Variants in FUT8 observed in about 807,000 individuals in gnomAD.
FUT8 encodes alpha-(1,6)-fucosyltransferase.
Under a neutral mutation model 71.3 loss-of-function variants are expected in FUT8, and 29 were observed. The observed-to-expected ratio is 0.41, with a 90% confidence interval of 0.30 to 0.55. The LOEUF is 0.55. FUT8 is among the 20% of genes least tolerant of loss of function. FUT8 has a pLI of 0.34. For synonymous variants in FUT8, 254 were observed against 239.3 expected (o/e 1.06, Z -0.57); for missense variants, 544 against 702.1 (o/e 0.77, Z 2.55).
chr14:65,729,204 A>G (rs1043628053), intron 9 of FUT8, among the ~76,000 whole-genome samples: 4 of 151,696 alleles, frequency 2.6e-5, no homozygotes, highest in Non-Finnish European at 4.4e-5. Context: ...TTTTTATGGT[A>G]GAGACGGGAT....
intron 2 of FUT8, among the ~76,000 whole-genome samples, chr14:65,509,607 T>C (rs1459830499): frequency 2.0e-5 from 3 of 152,148 alleles, no homozygotes; most frequent in Non-Finnish European, 4.4e-5. Context: ...ATCAATATAG[T>C]ATAGTTTCTG....
intron 2 of FUT8, among the ~76,000 whole-genome samples, chr14:65,479,987 A>G (rs753871239): frequency 1.2e-4 from 18 of 152,008 alleles, no homozygotes; most frequent in Non-Finnish European, 1.8e-4. Flanking sequence ...TTTTGCTGCT[A>G]TCCTTTGGAA....
intron 2 of FUT8, among the ~76,000 whole-genome samples, chr14:65,515,081 G>A (rs1882619756): frequency 6.6e-6 from 1 of 152,110 alleles, no homozygotes; most frequent in East Asian, 1.9e-4. Context: ...CATAAAATCA[G>A]TAATACACAC....
At chr14:65,593,258 A>C (rs1053071722) in intron 3 of FUT8, among the ~76,000 whole-genome samples, 19 of 152,208 alleles carry the variant, frequency 1.2e-4, no homozygotes, top group African/African-American at 4.3e-4. Context: ...TATGCCTTTT[A>C]CTTAAAGTGA....
upstream of FUT8, chr14:65,410,738 T>C (rs983978080): frequency 6.6e-6 from 1 of 152,118 alleles, no homozygotes; most frequent in Non-Finnish European, 1.5e-5. Context: ...GTGTAAACTA[T>C]CATGATTATT....
At chr14:65,529,726 G>A (rs889634692) in intron 2 of FUT8, among the ~76,000 whole-genome samples, 1 of 152,140 alleles carries the variant, frequency 6.6e-6, no homozygotes, top group African/African-American at 2.4e-5. Flanking sequence ...GTCTTTAGAG[G>A]CATGCTCAGT....
At chr14:65,619,398 C>G (rs550107651) in intron 5 of FUT8, among the ~76,000 whole-genome samples, 1 of 152,262 alleles carries the variant, frequency 6.6e-6, no homozygotes, top group South Asian at 2.1e-4. Flanking sequence ...CATGTTTCCT[C>G]TCCTGGAATC....
chr14:65,659,323 G>T (rs1363177737), intron 6 of FUT8, among the ~76,000 whole-genome samples: 2 of 151,912 alleles, frequency 1.3e-5, no homozygotes, highest in East Asian at 3.9e-4. Context: ...TTCGAGAAGA[G>T]GTATCCAGAT....
intron 2 of FUT8, among the ~76,000 whole-genome samples, chr14:65,518,856 G>A (rs1388732857): frequency 6.6e-6 from 1 of 152,128 alleles, no homozygotes; most frequent in African/African-American, 2.4e-5. Flanking sequence ...AGTAGAGTTG[G>A]TGCCTTGCAC....
chr14:65,448,157 T>C (rs2065770096), intron 1 of FUT8, among the ~76,000 whole-genome samples: 1 of 152,210 alleles, frequency 6.6e-6, no homozygotes, highest in Non-Finnish European at 1.5e-5. Context: ...CCAATGGTTA[T>C]GAACTATAGA....
rs2140175828 is a variant in FUT8 at position 65,603,066 on chromosome 14, T to C, written c.204-12912T>C. ...TGAAGTCTTCGCCTAAGCCAATGTC[T>C]AGAAGGATTTTTTCCGATGTTATTT... On this transcript the variant is annotated intron_variant, in intron 3 of 10. Transcript: ENST00000673929. This position sits in a 1 kb window ranked among gnomAD's most constrained non-coding sequence, Gnocchi z 4.5. Among the ~76,000 whole-genome samples, 1 of 152,070 alleles carries C rather than the reference T, an allele frequency of 6.6e-6. No homozygotes were observed. Among genetic ancestry groups the C allele is most frequent in the Admixed American group, 6.6e-5 (1 of 15,240 alleles).
intron 3 of FUT8, among the ~76,000 whole-genome samples, chr14:65,581,219 G>C (rs1008732697): frequency 6.6e-6 from 1 of 152,050 alleles, no homozygotes; most frequent in Non-Finnish European, 1.5e-5. Flanking sequence ...ATTTTAACAA[G>C]CTCTCAATGT....
upstream of FUT8, chr14:65,412,139 C>T (rs972223480): frequency 2.2e-6 from 1 of 456,302 alleles, no homozygotes; most frequent in Non-Finnish European, 4.4e-6. Context: ...TGGGGGGGGT[C>T]TTTCTCTTCG....
Position 65,669,399 on chromosome 14 carries a change from A to G in FUT8, c.754A>G (p.Thr252Ala), listed in dbSNP as rs1343102551. ...ILESQNWRYA[T>A]GGWETVFRPV... ...GGAATCTCAGAATTGGCGCTATGCT[A>G]CTGGTGGATGGGAGACTGTATTTAG... The change falls in exon 7 of 11, where the codon ACT (threonine) becomes GCT (alanine). Residue 252 changes from threonine to alanine, a missense_variant. Thr to Ala is a moderately conservative substitution (Grantham distance 58). Transcript: ENST00000673929. The surrounding 1 kb of genome is among the most constrained non-coding windows in gnomAD (Gnocchi z 4.5). The G allele has an allele frequency of 5.0e-6, 8 of 1,613,768 alleles. No homozygotes were observed. The highest frequency in any genetic ancestry group is 1.7e-5 in the Admixed American group (1 of 59,936).
intron 6 of FUT8, among the ~76,000 whole-genome samples, chr14:65,651,112 G>A (rs544439914): frequency 3.7e-4 from 56 of 152,336 alleles, no homozygotes; most frequent in African/African-American, 1.3e-3. Flanking sequence ...TGTGGGCAAA[G>A]CCCTGACCGC....
chr14:65,667,574 G>C (rs185793235), intron 6 of FUT8, among the ~76,000 whole-genome samples: 10 of 152,156 alleles, frequency 6.6e-5, no homozygotes, highest in Admixed American at 6.5e-4. Context: ...GGAAGAATCA[G>C]TATCATTAAA....
chr14:65,651,331 TCTGGGTAGCCCAGTG>T (rs1478060727), intron 6 of FUT8, among the ~76,000 whole-genome samples: 86 of 152,372 alleles, frequency 5.6e-4, no homozygotes, highest in African/African-American at 1.9e-3. Flanking sequence ...CAGACTGGCC[TCTGGGTAGCCCAGTG>T]GGGCAGAACA....
intron 3 of FUT8, among the ~76,000 whole-genome samples, chr14:65,599,635 T>C (rs561775304): frequency 1.3e-5 from 2 of 152,304 alleles, no homozygotes; most frequent in Middle Eastern, 3.4e-3. Flanking sequence ...AGATACTCTT[T>C]GGTATGCAAG....
chr14:65,492,373 A>G (rs960260619), intron 2 of FUT8, among the ~76,000 whole-genome samples: 15 of 152,228 alleles, frequency 9.9e-5, no homozygotes, highest in Non-Finnish European at 1.3e-4. Flanking sequence ...CACTTGTGCC[A>G]GTCACTAAGT....
Sources: allele counts gnomAD v4.1 joint callset (sites outside exome capture counted in the v4.1 genomes callset), GRCh38; gene constraint gnomAD v4.1.1; non-coding constraint Gnocchi (gnomAD v3.1); transcripts MANE v1.5; gene names NCBI Gene and HGNC (gene_info 2026-07-23, HGNC 2026-07-21).